The following GAB2 variants were observed in gnomAD, a reference collection of about 807,000 sequenced individuals.
GAB2 encodes the protein GRB2 associated binding protein 2.
A neutral mutation model predicts 65.5 loss-of-function variants in GAB2; 26 were observed. The observed-to-expected ratio is 0.40, with a 90% CI of 0.29 to 0.55. GAB2 has a LOEUF of 0.55. Among genes scored for constraint, GAB2 ranks in the 20% least tolerant of loss-of-function variants. The pLI is 0.53. For missense variants in GAB2, 884 were observed against 875.8 expected (o/e 1.01, Z -0.12); for synonymous variants, 321 against 329.6 (o/e 0.97, Z 0.28).
At chr11:78,234,135 C>A (rs962083110) in intron 3 of GAB2, among the ~76,000 whole-genome samples, 7 of 152,060 alleles carry the variant, frequency 4.6e-5, no homozygotes, top group African/African-American at 1.2e-4. Flanking sequence ...GGCTGGAGTG[C>A]AATGGAATGA....
chr11:78,341,323 A>T lies in GAB2; in HGVS notation c.76-60422T>A, dbSNP rs1856090982. 1.3e-5 allele frequency among the ~76,000 whole-genome samples: 2 copies of T among 152,242 alleles called. 1 individual carries two copies. Among genetic ancestry groups the T allele is most frequent in the Admixed American group, 1.3e-4 (2 of 15,284 alleles). On this transcript the variant is annotated intron_variant, in intron 1 of 9. Coordinates refer to ENST00000361507, the MANE Select transcript of GAB2 (RefSeq NM_080491.3). ...ATATTGGTAATATTGGTAAATGGTA[A>T]ATATCGGAGAATGACAACGAGATAT...
At chr11:78,366,807 A>G (rs760901193) in intron 1 of GAB2, among the ~76,000 whole-genome samples, 34 of 150,134 alleles carry the variant, frequency 2.3e-4, no homozygotes, top group South Asian at 1.1e-3. Context: ...GGCTTGGAGA[A>G]AATATAGTGG....
In GAB2 at chr11:78,366,259, A is replaced by T. The variant is rs192393344; in HGVS notation, c.75+51387T>A. On this transcript the variant is annotated intron_variant, in intron 1 of 9. Coordinates refer to ENST00000361507, the MANE Select transcript of GAB2 (RefSeq NM_080491.3). ...TAGGGAAATCACAGTCCAGTGTAGGAGACAAGCTCTTTAACATAATATGAT... is the reference window on the plus strand; with the variant it reads ...TAGGGAAATCACAGTCCAGTGTAGGTGACAAGCTCTTTAACATAATATGAT... Among the ~76,000 whole-genome samples the T allele has an allele frequency of 2.0e-5, 3 of 152,264 alleles. No homozygotes were observed. The East Asian group carries it at 5.8e-4, about 29-fold the overall frequency.
intron 1 of GAB2, among the ~76,000 whole-genome samples, chr11:78,328,661 A>G (rs1263773769): frequency 2.6e-5 from 4 of 152,092 alleles, no homozygotes; most frequent in Non-Finnish European, 5.9e-5. Flanking sequence ...CAAATGAAAG[A>G]AGCCTTACAC....
intron 1 of GAB2, among the ~76,000 whole-genome samples, chr11:78,410,690 C>T (rs1857116330): frequency 6.6e-6 from 1 of 152,116 alleles, no homozygotes; most frequent in Non-Finnish European, 1.5e-5. Flanking sequence ...ATGTAAACTT[C>T]TATAATTCAG....
At chr11:78,260,864 T>C (rs907402094) in intron 2 of GAB2, among the ~76,000 whole-genome samples, 5 of 152,202 alleles carry the variant, frequency 3.3e-5, no homozygotes, top group African/African-American at 9.7e-5. Context: ...CTATAAGCTG[T>C]TAGAATCCAG....
intron 1 of GAB2, among the ~76,000 whole-genome samples, chr11:78,295,695 G>C (rs879878223): frequency 7.9e-5 from 12 of 152,168 alleles, no homozygotes; most frequent in Non-Finnish European, 1.8e-4. Flanking sequence ...TTGACGGAGA[G>C]GACTACTCTG....
chr11:78,220,953 T>A (rs966685005), intron 8 of GAB2, among the ~76,000 whole-genome samples: 1 of 152,168 alleles, frequency 6.6e-6, no homozygotes, highest in Non-Finnish European at 1.5e-5. Context: ...AGTGGGGTAG[T>A]CACCCCAAAG....
chr11:78,220,380 G>T lies in GAB2; in HGVS notation c.1826C>A (p.Thr609Asn), dbSNP rs1273937165. 3.7e-6 allele frequency: 6 copies of T among 1,612,664 alleles called. No homozygotes were observed. The African/African-American group carries it at 8.0e-5, about 22-fold the overall frequency. ...CAGGGCCAGATAATCAACGCTGCCG[G>T]TGCTCTTCTTAGGGGCAGGACTGTT... Reference protein sequence around the residue: ...GTNSPAPKKSTGSVDYLALDF... With the variant: ...GTNSPAPKKSNGSVDYLALDF... Residue 609 changes from threonine (T) to asparagine (N), a missense_variant, in exon 9 of 10, where the codon ACC (threonine) becomes AAC (asparagine). Coordinates refer to ENST00000361507, the MANE Select transcript of GAB2 (RefSeq NM_080491.3).
intron 1 of GAB2, among the ~76,000 whole-genome samples, chr11:78,400,807 G>A (rs1233972023): frequency 1.4e-5 from 2 of 146,890 alleles, no homozygotes; most frequent in Non-Finnish European, 3.0e-5. Flanking sequence ...TGGAGGCTAA[G>A]GCACAAGAAT....
At chr11:78,294,527 CA>C (rs1866771949) in intron 1 of GAB2, among the ~76,000 whole-genome samples, 1 of 152,160 alleles carries the variant, frequency 6.6e-6, no homozygotes, top group Admixed American at 6.6e-5. Flanking sequence ...TTTACAGTCC[CA>C]CCAACAGTGT....
chr11:78,378,952 T>C (rs1278111091), intron 1 of GAB2, among the ~76,000 whole-genome samples: 1 of 152,162 alleles, frequency 6.6e-6, no homozygotes, highest in Non-Finnish European at 1.5e-5. Context: ...TAGCCAAACC[T>C]GAAGCTTAGG....
At chr11:78,267,630 G>A (rs139246292) in intron 2 of GAB2, among the ~76,000 whole-genome samples, 1,712 of 151,994 alleles carry the variant, frequency 0.011, 30 homozygotes, top group African/African-American at 0.039. Flanking sequence ...AGGTCGAGGC[G>A]GGTAGATGAC....
intron 1 of GAB2, among the ~76,000 whole-genome samples, chr11:78,296,347 T>G (rs114269891): frequency 3.3e-5 from 5 of 152,260 alleles, no homozygotes; most frequent in Admixed American, 3.3e-4. Context: ...TCGTTTTATA[T>G]GTGTTTCTGT....
intron 1 of GAB2, among the ~76,000 whole-genome samples, chr11:78,340,987 C>G (rs940614752): frequency 6.6e-6 from 1 of 152,080 alleles, no homozygotes; most frequent in African/African-American, 2.4e-5. Context: ...CTACCATGCC[C>G]AAGATATTTT....
At chr11:78,228,789 A>C (rs1370909887) in intron 3 of GAB2, among the ~76,000 whole-genome samples, 1 of 151,700 alleles carries the variant, frequency 6.6e-6, no homozygotes, top group Non-Finnish European at 1.5e-5. Flanking sequence ...TGGATGATTG[A>C]ACATCTAGGC....
intron 1 of GAB2, among the ~76,000 whole-genome samples, chr11:78,406,169 C>T (rs1857041548): frequency 6.6e-6 from 1 of 152,190 alleles, no homozygotes; most frequent in South Asian, 2.1e-4. Context: ...AAGTTGGAAC[C>T]TTAAACCATT....
intron 1 of GAB2, among the ~76,000 whole-genome samples, chr11:78,373,829 G>A (rs1236743054): frequency 6.6e-6 from 1 of 152,154 alleles, no homozygotes; most frequent in Non-Finnish European, 1.5e-5. Context: ...TTGTGTAGCT[G>A]TTCAGTTTGG....
intron 1 of GAB2, among the ~76,000 whole-genome samples, chr11:78,285,986 T>C (rs1275260529): frequency 2.6e-5 from 4 of 152,214 alleles, no homozygotes; most frequent in Non-Finnish European, 5.9e-5. Context: ...ATGAACAAAA[T>C]TCTTTATTGC....
Sources: gnomAD v4.1 joint callset for allele counts (sites outside exome capture counted in the v4.1 genomes callset) on GRCh38, gnomAD v4.1.1 for gene constraint, MANE v1.5 for transcripts, NCBI Gene and HGNC (gene_info 2026-07-23, HGNC 2026-07-21) for gene names.